Variants in PAK6 observed in about 807,000 individuals in gnomAD.
PAK6 encodes the protein p21 (RAC1) activated kinase 6.
A neutral mutation model predicts 60.8 loss-of-function variants in PAK6; 33 were observed. That is an observed-to-expected ratio of 0.54 (90% confidence interval 0.41 to 0.73). The LOEUF (loss-of-function observed/expected upper bound fraction) is 0.73, where lower values mean the gene tolerates loss of function less well. Among genes scored for constraint, PAK6 ranks in the 30% least tolerant of loss-of-function variants. The pLI, the probability that PAK6 is intolerant of heterozygous loss-of-function variation, is 0.00. For missense variants in PAK6, 845 were observed against 904.1 expected (o/e 0.93, Z 0.84); for synonymous variants, 404 against 378.5 (o/e 1.07, Z -0.78).
At chr15:40,249,163 G>A (rs915081906) in intron 2 of PAK6, among the ~76,000 whole-genome samples, 2 of 152,138 alleles carry the variant, frequency 1.3e-5, no homozygotes, top group Non-Finnish European at 2.9e-5. Flanking sequence ...CTCTCTGGGG[G>A]CCTCTTTCAT....
chr15:40,272,177 C>A, intron 5 of PAK6, 47 bp from the exon 6 acceptor site: 1 of 1,561,404 alleles, frequency 6.4e-7, no homozygotes, highest in Non-Finnish European at 8.7e-7. Flanking sequence ...AAGGTTATTC[C>A]AAATGCTCCC....
exon 5 of PAK6, chr15:40,266,094 G>A: frequency 2.5e-6 from 4 of 1,609,762 alleles, no homozygotes; most frequent in South Asian, 2.2e-5. Context: ...GGGCACACCA[G>A]CAGGCCACAA....
At chr15:40,270,499 G>A (rs1231436704) in intron 5 of PAK6, among the ~76,000 whole-genome samples, 1 of 152,198 alleles carries the variant, frequency 6.6e-6, no homozygotes, top group Non-Finnish European at 1.5e-5. Flanking sequence ...GACAGGCTCA[G>A]AGAGGATGAC....
chr15:40,247,144 A>G (rs2038517640), intron 2 of PAK6: 1 of 152,282 alleles, frequency 6.6e-6, no homozygotes. Context: ...GCCCTGCTCC[A>G]GCCTCAGACC....
In PAK6 at chr15:40,256,673, G is replaced by C. The variant is rs545093194; in HGVS notation, c.-6+3384G>C. ...TGCAGCCAAGTTCACATCAGGTCCT[G>C]GGTCAGACTCGTGTCTGCCCCTTCT... On this transcript the variant is annotated intron_variant, in intron 3 of 10. Coordinates refer to ENST00000560346, the Ensembl canonical transcript of PAK6. Among the ~76,000 whole-genome samples the C allele has an allele frequency of 2.0e-5, 3 of 152,316 alleles. No individual in the cohort carries two copies. In the East Asian group the frequency reaches 5.8e-4, roughly 29 times the overall value.
intron 3 of PAK6, among the ~76,000 whole-genome samples, chr15:40,260,729 G>C (rs765212917): frequency 7.9e-5 from 12 of 152,112 alleles, no homozygotes; most frequent in Admixed American, 1.3e-4. Flanking sequence ...GTTAACTTGG[G>C]AATAATTGAC....
At chr15:40,261,799 T>C (rs1032180178) in intron 3 of PAK6, among the ~76,000 whole-genome samples, 1 of 152,130 alleles carries the variant, frequency 6.6e-6, no homozygotes, top group Non-Finnish European at 1.5e-5. Flanking sequence ...AGCTGATTGC[T>C]TCTGCCAACT....
chr15:40,249,002 AAAC>A (rs1336107432), intron 2 of PAK6, among the ~76,000 whole-genome samples: 57 of 152,174 alleles, frequency 3.7e-4, no homozygotes, highest in African/African-American at 1.4e-3. Context: ...GGTGGCTTAT[AAAC>A]AACAGAAATT....
At chr15:40,265,240 T>C (rs531587138) in intron 4 of PAK6, among the ~76,000 whole-genome samples, 1 of 152,318 alleles carries the variant, frequency 6.6e-6, no homozygotes, top group African/African-American at 2.4e-5. Flanking sequence ...AGATGCTCAA[T>C]TGCATTTGTA....
intron 3 of PAK6, among the ~76,000 whole-genome samples, chr15:40,254,144 C>G (rs2038771770): frequency 1.3e-5 from 2 of 152,160 alleles, no homozygotes; most frequent in Admixed American, 1.3e-4. Flanking sequence ...CCTTTGACTC[C>G]TTAGACAAGT....
chr15:40,272,304 G>A, exon 6 of PAK6: 1 of 1,614,036 alleles, frequency 6.2e-7, no homozygotes, highest in South Asian at 1.1e-5. Context: ...CCTCGGACCA[G>A]CCGGTGGGGA....
At chr15:40,244,483 C>T (rs528902491) in intron 2 of PAK6, among the ~76,000 whole-genome samples, 2 of 151,318 alleles carry the variant, frequency 1.3e-5, no homozygotes, top group South Asian at 2.1e-4. Flanking sequence ...CTGCAACCTC[C>T]GCCTCCCTGG....
chr15:40,248,379 C>A (rs945778065), intron 2 of PAK6, among the ~76,000 whole-genome samples: 16 of 152,206 alleles, frequency 1.1e-4, no homozygotes, highest in African/African-American at 3.1e-4. Context: ...CCCAAGAGTG[C>A]CTCTCTCCCA....
At chr15:40,265,233 T>G (rs1007168681) in intron 4 of PAK6, among the ~76,000 whole-genome samples, 1 of 152,224 alleles carries the variant, frequency 6.6e-6, no homozygotes, top group African/African-American at 2.4e-5. Flanking sequence ...AAATGTGAGA[T>G]GCTCAATTGC....
chr15:40,255,741 A>G (rs1186919353), intron 3 of PAK6, among the ~76,000 whole-genome samples: 3 of 152,208 alleles, frequency 2.0e-5, no homozygotes. Context: ...CACAAGGATC[A>G]GCGAGGGGAC....
At chr15:40,256,991 G>A (rs2038853403) in intron 3 of PAK6, 2 of 152,234 alleles carry the variant, frequency 1.3e-5, no homozygotes, top group South Asian at 2.1e-4. Flanking sequence ...TACGTAAGGC[G>A]AGTAGGCCAA....
intron 2 of PAK6, 64 bp from the exon 3 acceptor site, chr15:40,253,114 C>G (rs953492721): frequency 2.3e-6 from 1 of 426,508 alleles, no homozygotes; most frequent in Non-Finnish European, 4.8e-6. Context: ...GTCAGCCAGT[C>G]GCAACACCCG....
chr15:40,262,706 C>T (rs1287200133), intron 3 of PAK6, among the ~76,000 whole-genome samples: 1 of 152,124 alleles, frequency 6.6e-6, no homozygotes, highest in East Asian at 1.9e-4. Context: ...TGCCCAAGTG[C>T]CAGTGTCTGG....
intron 5 of PAK6, among the ~76,000 whole-genome samples, chr15:40,270,660 A>C (rs1367100454): frequency 6.6e-6 from 1 of 152,238 alleles, no homozygotes; most frequent in Non-Finnish European, 1.5e-5. Context: ...GCTGGCGAGG[A>C]CATGGGAGAA....
Sources: allele counts gnomAD v4.1 joint callset (sites outside exome capture counted in the v4.1 genomes callset), GRCh38; gene constraint gnomAD v4.1.1; transcripts MANE v1.5; gene names NCBI Gene and HGNC (gene_info 2026-07-23, HGNC 2026-07-21).